Variants in ASPSCR1 observed in about 807,000 individuals in gnomAD.
ASPSCR1 encodes the protein ASPSCR1 tether for SLC2A4, UBX domain containing.
In ASPSCR1, 55 loss-of-function variants were observed where a neutral mutation model predicts 68.9. That is an observed-to-expected ratio of 0.80 (90% CI 0.64 to 1.00). ASPSCR1 has a LOEUF of 1.00. Ranked by LOEUF, ASPSCR1 falls within the 50% of genes least tolerant of loss-of-function variation. The pLI is 0.00. For missense variants in ASPSCR1, 765 were observed against 762.2 expected (o/e 1.00, Z -0.04); for synonymous variants, 352 against 332.6 (o/e 1.06, Z -0.63).
At chr17:82,009,852 G>A (rs964505091) in intron 9 of ASPSCR1, 9 of 347,618 alleles carry the variant, frequency 2.6e-5, no homozygotes, top group African/African-American at 6.7e-5. Flanking sequence ...GGGCCCCCCC[G>A]TGGTGGCGCG....
intron 7 of ASPSCR1, among the ~76,000 whole-genome samples, chr17:81,997,674 AG>A (rs775022790): frequency 1.9e-4 from 28 of 151,216 alleles, no homozygotes; most frequent in Non-Finnish European, 4.1e-4. Flanking sequence ...TATTTTTAGT[AG>A]AGACAGGGTT....
intron 10 of ASPSCR1, 150 bp from the exon 11 acceptor site, chr17:82,011,393 G>A (rs372210210): frequency 7.9e-6 from 6 of 760,828 alleles, no homozygotes; most frequent in South Asian, 3.8e-5. Flanking sequence ...CAGCCACGCC[G>A]AGCACCTGGA....
At position 81,985,708 on chromosome 17, in the gene ASPSCR1, TG is replaced by T. The variant is rs926289646; in HGVS notation, c.374+103del. 5.9e-6 allele frequency: 7 copies of T among 1,191,086 alleles called. No homozygotes were observed. In the African/African-American group the frequency reaches 1.1e-4, roughly 18 times the overall value. 73.8% of individuals were successfully genotyped at this position (1,191,086 alleles called of 1,614,324 possible). ...AGAGCTGGACACCCAAGCTCTGTGCTGGCCTGTGGTGCCTCTTGGCACTTTG... is the reference window on the plus strand; with the variant it reads ...AGAGCTGGACACCCAAGCTCTGTGCTGCCTGTGGTGCCTCTTGGCACTTTG... On this transcript the variant is annotated intron_variant, in intron 4 of 15. Coordinates refer to ENST00000306739, the MANE Select transcript of ASPSCR1 (RefSeq NM_024083.4).
At chr17:81,998,855 A>G (rs911485708) in intron 7 of ASPSCR1, among the ~76,000 whole-genome samples, 1 of 152,236 alleles carries the variant, frequency 6.6e-6, no homozygotes, top group Non-Finnish European at 1.5e-5. Context: ...CCACTGGGGC[A>G]CTGGGCCCTT....
chr17:81,977,791 G>C lies in ASPSCR1; in HGVS notation c.102+43G>C. ...GGGCGGACGGGTAGGCGGGCGGGGG[G>C]CGCTGCGCCGAGGCCCCGCCCATTG... On this transcript the variant is annotated intron_variant, in intron 1 of 15. Transcript: ENST00000306739. This position sits in a 1 kb window ranked among gnomAD's most constrained non-coding sequence, Gnocchi z 5.0. 3.3e-6 allele frequency: 4 copies of C among 1,199,392 alleles called. No individual in the cohort carries two copies. Among genetic ancestry groups the C allele is most frequent in the South Asian group, 8.1e-5 (2 of 24,554 alleles). 74.3% of individuals were successfully genotyped at this position (1,199,392 alleles called of 1,614,324 possible).
intron 11 of ASPSCR1, 184 bp from the exon 12 acceptor site, chr17:82,012,047 A>G: frequency 2.6e-6 from 2 of 764,324 alleles, no homozygotes; most frequent in Non-Finnish European, 4.5e-6. Flanking sequence ...CCTGCCCCCC[A>G]CCGGCCCTTC....
At chr17:82,015,014 A>G (rs576584069) in intron 12 of ASPSCR1, 89 of 1,509,090 alleles carry the variant, frequency 5.9e-5, no homozygotes, top group East Asian at 7.2e-5. Context: ...GCCTCCCTCA[A>G]AGGCCCTTCC....
At chr17:81,996,371 CG>C in intron 6 of ASPSCR1, 48 bp from the exon 7 acceptor site, 1 of 1,530,808 alleles carries the variant, frequency 6.5e-7, no homozygotes, top group Non-Finnish European at 8.8e-7. Flanking sequence ...GAGGGTGAGC[CG>C]GGGGTAGGCA....
At chr17:81,991,833 T>C (rs1279389222) in intron 4 of ASPSCR1, among the ~76,000 whole-genome samples, 1 of 152,234 alleles carries the variant, frequency 6.6e-6, no homozygotes. Context: ...AGCACCTGTG[T>C]TTGCGCCCGG....
intron 4 of ASPSCR1, among the ~76,000 whole-genome samples, chr17:81,988,428 C>T (rs933562519): frequency 6.7e-6 from 1 of 149,686 alleles, no homozygotes; most frequent in Non-Finnish European, 1.5e-5. Flanking sequence ...GCACTCCAGC[C>T]TGGGTGACAA....
rs2042026429 is a variant in ASPSCR1 at position 81,987,246 on chromosome 17, C to T, written c.374+1639C>T. ...GCCACGGGCAGGGGTGAGCGGGACC[C>T]GAGCCAGGAGTGGCGCCGGGCAGGG... On this transcript the variant is annotated intron_variant, in intron 4 of 15. Coordinates refer to ENST00000306739, the MANE Select transcript of ASPSCR1 (RefSeq NM_024083.4). This position sits in a 1 kb window ranked among gnomAD's most constrained non-coding sequence, Gnocchi z 5.6. Among the ~76,000 whole-genome samples, 1 of 152,212 alleles carries T rather than the reference C, an allele frequency of 6.6e-6. No homozygotes were observed. Among genetic ancestry groups the T allele is most frequent in the Non-Finnish European group, 1.5e-5 (1 of 68,014 alleles).
intron 5 of ASPSCR1, 132 bp from the exon 6 acceptor site, chr17:81,995,860 T>G (rs2042317515): frequency 1.3e-5 from 11 of 830,080 alleles, no homozygotes; most frequent in East Asian, 2.7e-5. Flanking sequence ...GGGCCAGATG[T>G]GGGGGGTGGG....
intron 7 of ASPSCR1, among the ~76,000 whole-genome samples, chr17:81,997,234 A>C (rs1413435210): frequency 6.9e-6 from 1 of 145,136 alleles, no homozygotes; most frequent in Non-Finnish European, 1.5e-5. Flanking sequence ...GGGGTGGTGC[A>C]TGGAGGGCAG....
At chr17:82,007,409 A>G (rs1424412063) in intron 7 of ASPSCR1, 1 of 152,220 alleles carries the variant, frequency 6.6e-6, no homozygotes, top group African/African-American at 2.4e-5. Flanking sequence ...CGTGATGCTG[A>G]TGGTCCTGTC....
At chr17:82,009,891 C>T (rs921213639) in intron 9 of ASPSCR1, 1 of 248,430 alleles carries the variant, frequency 4.0e-6, no homozygotes, top group African/African-American at 2.4e-5. Flanking sequence ...TTGATCCTCC[C>T]CTGCTCATGA....
intron 2 of ASPSCR1, among the ~76,000 whole-genome samples, chr17:81,980,735 C>T (rs1440800485): frequency 6.6e-6 from 1 of 152,142 alleles, no homozygotes; most frequent in Non-Finnish European, 1.5e-5. Context: ...GTACTTAATA[C>T]GCTGTAGGAG....
chr17:82,009,803 G>T, intron 9 of ASPSCR1: 1 of 398,368 alleles, frequency 2.5e-6, no homozygotes. Flanking sequence ...TGAGGTCTGT[G>T]GATGGGACGT....
chr17:81,996,865 C>T lies in ASPSCR1; in HGVS notation c.933+19C>T. ...GGAGCGGGTAAAAGGGGCTCTAGGCCTTGGGACTTGGGGGTGTCCTTTCTC... is the reference window on the plus strand; with the variant it reads ...GGAGCGGGTAAAAGGGGCTCTAGGCTTTGGGACTTGGGGGTGTCCTTTCTC... On this transcript the variant is annotated intron_variant, in intron 7 of 15. Transcript: ENST00000306739. 1 of 1,558,910 alleles carries T rather than the reference C, an allele frequency of 6.4e-7. No homozygotes were observed. The highest frequency in any genetic ancestry group is 8.6e-7 in the Non-Finnish European group (1 of 1,156,384).
chr17:81,981,017 G>GTAAA (rs926395737), intron 2 of ASPSCR1, among the ~76,000 whole-genome samples: 1 of 152,098 alleles, frequency 6.6e-6, no homozygotes, highest in African/African-American at 2.4e-5. Context: ...AAGTAAATAA[G>GTAAA]TAAATAAATA....
Sources: gnomAD v4.1 joint callset for allele counts (sites outside exome capture counted in the v4.1 genomes callset) on GRCh38, gnomAD v4.1.1 for gene constraint, Gnocchi (gnomAD v3.1) non-coding constraint, MANE v1.5 for transcripts, NCBI Gene and HGNC (gene_info 2026-07-23, HGNC 2026-07-21) for gene names.